CUX1: variants seen among roughly 807,000 people sequenced by gnomAD.
CUX1 encodes protein CASP.
Under a neutral mutation model 158.8 loss-of-function variants are expected in CUX1, and 31 were observed. That is an observed-to-expected ratio of 0.20 (90% CI 0.15 to 0.26). The LOEUF (loss-of-function observed/expected upper bound fraction) is 0.26, where lower values mean the gene tolerates loss of function less well. CUX1 is among the 10% of genes least tolerant of loss of function. The pLI, the probability that CUX1 is intolerant of heterozygous loss-of-function variation, is 1.00. For missense variants in CUX1, 1,589 were observed against 2,014.6 expected (o/e 0.79, Z 4.04); for synonymous variants, 879 against 862.1 (o/e 1.02, Z -0.34).
chr7:102,273,730 G>A (rs187273111), intron 15 of CUX1, among the ~76,000 whole-genome samples: 2 of 152,354 alleles, frequency 1.3e-5, no homozygotes, highest in African/African-American at 4.8e-5. Context: ...TAGCACAGAG[G>A]CCCGTCTTTC....
intron 6 of CUX1, among the ~76,000 whole-genome samples, chr7:102,106,335 G>A (rs577242225): frequency 2.0e-5 from 3 of 152,030 alleles, no homozygotes; most frequent in East Asian, 1.9e-4. Context: ...TGATCTGCCC[G>A]CCTCGGCCTC....
intron 10 of CUX1, 101 bp from the exon 11 acceptor site, chr7:102,178,368 A>G (rs1281795661): frequency 1.6e-5 from 18 of 1,160,140 alleles, no homozygotes; most frequent in Non-Finnish European, 1.6e-5. Flanking sequence ...CCATCCACAC[A>G]CTGACATCTG....
At chr7:102,171,292 T>C (rs1225603855) in intron 10 of CUX1, among the ~76,000 whole-genome samples, 1 of 152,104 alleles carries the variant, frequency 6.6e-6, no homozygotes, top group African/African-American at 2.4e-5. Flanking sequence ...GAGTCTCCGT[T>C]TCCCCGCCTG....
chr7:101,877,837 A>G (rs1004134825), intron 1 of CUX1, among the ~76,000 whole-genome samples: 1 of 151,200 alleles, frequency 6.6e-6, no homozygotes, highest in African/African-American at 2.4e-5. Context: ...AATGATATGA[A>G]TAGGTATATT....
intron 3 of CUX1, among the ~76,000 whole-genome samples, chr7:102,032,652 G>A (rs1820926635): frequency 6.8e-6 from 1 of 146,188 alleles, no homozygotes; most frequent in Admixed American, 7.0e-5. Flanking sequence ...TAGCCTGGGT[G>A]ACAGAGTGAG....
intron 14 of CUX1, among the ~76,000 whole-genome samples, chr7:102,267,569 C>T (rs1586503108): frequency 1.3e-5 from 2 of 152,082 alleles, no homozygotes; most frequent in African/African-American, 2.4e-5. Context: ...GGGCCCCTCG[C>T]GCCTTCAGGA....
chr7:101,929,176 AAAAT>A (rs889695221), intron 2 of CUX1, among the ~76,000 whole-genome samples: 158 of 152,220 alleles, frequency 1.0e-3, no homozygotes, highest in African/African-American at 3.5e-3. Context: ...ACTCCGTCTC[AAAAT>A]AAATAAAAAT....
At chr7:101,887,309 T>G (rs1269416542) in intron 1 of CUX1, among the ~76,000 whole-genome samples, 1 of 152,194 alleles carries the variant, frequency 6.6e-6, no homozygotes, top group African/African-American at 2.4e-5. Context: ...AACTTTTTTT[T>G]TCTTTCTTTT....
chr7:102,194,247 G>A (rs1554517712), intron 13 of CUX1: 1 of 243,980 alleles, frequency 4.1e-6, no homozygotes. Flanking sequence ...TAACTGAAGT[G>A]AAATTGTGAT....
intron 2 of CUX1, among the ~76,000 whole-genome samples, chr7:101,929,260 G>A (rs78724599): frequency 0.016 from 2,388 of 152,246 alleles, 26 homozygotes; most frequent in Non-Finnish European, 0.026. Flanking sequence ...TTCTACTGCG[G>A]ACTTGAACAG....
intron 23 of CUX1, 122 bp downstream of exon 23, chr7:102,239,706 G>A (rs1447269745): frequency 5.5e-5 from 63 of 1,137,296 alleles, no homozygotes; most frequent in Non-Finnish European, 7.8e-5. Context: ...GGAGCTCGGT[G>A]ATTGGTCCGT....
At chr7:102,122,187 A>G (rs1554493705) in intron 8 of CUX1, among the ~76,000 whole-genome samples, 6 of 152,074 alleles carry the variant, frequency 3.9e-5, no homozygotes, top group Non-Finnish European at 8.8e-5. Flanking sequence ...TAAGAATGTA[A>G]AATTTTCTAT....
intron 9 of CUX1, among the ~76,000 whole-genome samples, chr7:102,159,502 C>A (rs193107452): frequency 6.6e-6 from 1 of 152,328 alleles, no homozygotes. Flanking sequence ...CCCTTCCTCC[C>A]CCCAGGAGCC....
intron 6 of CUX1, among the ~76,000 whole-genome samples, chr7:102,107,706 C>T (rs1002989876): frequency 2.6e-5 from 4 of 152,330 alleles, no homozygotes; most frequent in Non-Finnish European, 2.9e-5. Context: ...GAAAGCAGGT[C>T]GTGGGTGAGG....
At chr7:102,265,296 C>T (rs1425851268) in intron 14 of CUX1, among the ~76,000 whole-genome samples, 4 of 149,118 alleles carry the variant, frequency 2.7e-5, no homozygotes, top group African/African-American at 9.9e-5. Context: ...GCAGAGGTTG[C>T]AGTGAGCCGA....
Position 102,253,533 on chromosome 7 carries a change from G to C in CUX1, c.*4491G>C. 6 of 985,456 alleles carry C rather than the reference G, an allele frequency of 6.1e-6. No homozygotes were observed. The highest frequency in any genetic ancestry group is 7.2e-6 in the Non-Finnish European group (6 of 829,944). The allele number at this position is 985,456 out of a possible 1,614,324, so 61.0% of individuals were successfully genotyped here. On this transcript the variant is annotated 3_prime_UTR_variant, in exon 24 of 24. Coordinates refer to ENST00000292535, the MANE Select transcript of CUX1 (RefSeq NM_181552.4). ...GATGCAAGGGTGATCAATGAACTCT[G>C]TTGACATTCTATGCAATGTTTTTCA...
At chr7:101,900,362 G>A (rs755489930) in intron 1 of CUX1, among the ~76,000 whole-genome samples, 2 of 152,208 alleles carry the variant, frequency 1.3e-5, no homozygotes, top group Non-Finnish European at 2.9e-5. Flanking sequence ...TGCGACGCCC[G>A]CTCTCTCTGC....
At chr7:102,146,900 A>T (rs781810001) in intron 8 of CUX1, among the ~76,000 whole-genome samples, 3 of 152,126 alleles carry the variant, frequency 2.0e-5, no homozygotes, top group Non-Finnish European at 2.9e-5. Context: ...CGCCTGGCCT[A>T]AACTTGTTTT....
intron 9 of CUX1, among the ~76,000 whole-genome samples, chr7:102,165,180 A>C (rs1251341596): frequency 6.6e-6 from 1 of 151,948 alleles, no homozygotes; most frequent in Non-Finnish European, 1.5e-5. Flanking sequence ...ACCAGGCTGC[A>C]GCTGGCCCAA....
Sources: gnomAD v4.1 joint callset for allele counts (sites outside exome capture counted in the v4.1 genomes callset) on GRCh38, gnomAD v4.1.1 for gene constraint, MANE v1.5 for transcripts, NCBI Gene and HGNC (gene_info 2026-07-23, HGNC 2026-07-21) for gene names.